Variants in MARCHF11 observed in about 807,000 individuals in gnomAD.
The protein encoded by MARCHF11 is membrane associated ring-CH-type finger 11, also known as E3 ubiquitin-protein ligase MARCHF11.
Under a neutral mutation model 37.3 loss-of-function variants are expected in MARCHF11, and 29 were observed. The ratio of observed to expected loss-of-function variants is 0.78; its 90% CI spans 0.58 to 1.06. MARCHF11 has a LOEUF of 1.06. MARCHF11 is among the 50% of genes least tolerant of loss of function. The pLI is 0.00. For missense variants in MARCHF11, 482 were observed against 533.4 expected (o/e 0.90, Z 0.95); for synonymous variants, 233 against 228.0 (o/e 1.02, Z -0.20).
chr5:16,132,160 C>T (rs1282531668), intron 2 of MARCHF11, among the ~76,000 whole-genome samples: 1 of 152,188 alleles, frequency 6.6e-6, no homozygotes, highest in Non-Finnish European at 1.5e-5. Flanking sequence ...AGGTTTACTG[C>T]CATGTTCAGA....
intron 2 of MARCHF11, among the ~76,000 whole-genome samples, chr5:16,098,681 T>C (rs986659531): frequency 4.6e-5 from 7 of 151,624 alleles, no homozygotes; most frequent in Admixed American, 2.0e-4. Flanking sequence ...GGCAGGAGAA[T>C]CGCTTGAACC....
chr5:16,129,174 A>T (rs940415472), intron 2 of MARCHF11: 1 of 152,200 alleles, frequency 6.6e-6, no homozygotes, highest in Admixed American at 6.5e-5. Flanking sequence ...TGCCATTTGC[A>T]TGAAACTGAC....
chr5:16,096,504 G>T (rs537341604), intron 2 of MARCHF11, among the ~76,000 whole-genome samples: 3 of 152,284 alleles, frequency 2.0e-5, no homozygotes, highest in African/African-American at 7.2e-5. Flanking sequence ...GCCCAGAATT[G>T]GGTATCTTTG....
chr5:16,081,468 A>G (rs1736606412), intron 3 of MARCHF11, among the ~76,000 whole-genome samples: 2 of 152,202 alleles, frequency 1.3e-5, no homozygotes, highest in African/African-American at 4.8e-5. Flanking sequence ...GTATTCAACC[A>G]TTTAAAAACG....
chr5:16,083,468 C>A (rs1736645872), intron 3 of MARCHF11, among the ~76,000 whole-genome samples: 1 of 152,140 alleles, frequency 6.6e-6, no homozygotes, highest in African/African-American at 2.4e-5. Flanking sequence ...ATCCAAAGGC[C>A]TTACCAACAA....
At chr5:16,139,823 A>G (rs989489276) in intron 2 of MARCHF11, among the ~76,000 whole-genome samples, 5 of 152,174 alleles carry the variant, frequency 3.3e-5, no homozygotes, top group African/African-American at 1.2e-4. Context: ...GAATAAAATT[A>G]CCAAGCCATT....
At chr5:16,120,584 G>A (rs1256108380) in intron 2 of MARCHF11, among the ~76,000 whole-genome samples, 1 of 152,184 alleles carries the variant, frequency 6.6e-6, no homozygotes, top group African/African-American at 2.4e-5. Flanking sequence ...ACCTTACAAG[G>A]CTCCACCACT....
At chr5:16,141,722 C>T (rs918008491) in intron 2 of MARCHF11, 1 of 152,192 alleles carries the variant, frequency 6.6e-6, no homozygotes, top group Non-Finnish European at 1.5e-5. Context: ...AATCTACTTT[C>T]CATTCACCTT....
chr5:16,117,617 G>A (rs1737243519), intron 2 of MARCHF11, among the ~76,000 whole-genome samples: 1 of 152,184 alleles, frequency 6.6e-6, no homozygotes, highest in African/African-American at 2.4e-5. Flanking sequence ...AGCTGGTTGT[G>A]GTGGCACACA....
At chr5:16,171,275 T>C (rs1738258814) in intron 2 of MARCHF11, among the ~76,000 whole-genome samples, 1 of 120,720 alleles carries the variant, frequency 8.3e-6, no homozygotes, top group African/African-American at 3.2e-5. Context: ...CCCATGGAGC[T>C]AAGTTGCCAC....
intron 2 of MARCHF11, among the ~76,000 whole-genome samples, chr5:16,109,021 C>G (rs1305058420): frequency 6.6e-6 from 1 of 151,900 alleles, no homozygotes; most frequent in African/African-American, 2.4e-5. Context: ...CTTTCAGATC[C>G]TGTTTCCTTA....
At chr5:16,115,262 A>G (rs949691383) in intron 2 of MARCHF11, among the ~76,000 whole-genome samples, 1 of 152,200 alleles carries the variant, frequency 6.6e-6, no homozygotes, top group Non-Finnish European at 1.5e-5. Context: ...TTAATTCGTC[A>G]ATTTCCTTCA....
intron 3 of MARCHF11, among the ~76,000 whole-genome samples, chr5:16,080,406 A>G (rs1306992605): frequency 6.6e-6 from 1 of 152,068 alleles, no homozygotes; most frequent in Non-Finnish European, 1.5e-5. Context: ...TCACCAAAGC[A>G]TTTCTCTGCA....
intron 2 of MARCHF11, chr5:16,141,591 A>G (rs1048521251): frequency 1.1e-4 from 16 of 152,262 alleles, no homozygotes; most frequent in African/African-American, 3.9e-4. Flanking sequence ...TTGGAAAGTC[A>G]TCAAATAAAA....
At chr5:16,108,156 T>C (rs1307202370) in intron 2 of MARCHF11, among the ~76,000 whole-genome samples, 1 of 152,202 alleles carries the variant, frequency 6.6e-6, no homozygotes, top group Non-Finnish European at 1.5e-5. Context: ...ACATGCTTCC[T>C]TGGGCTTTGG....
chr5:16,107,647 G>T (rs990627069), intron 2 of MARCHF11, among the ~76,000 whole-genome samples: 1 of 152,018 alleles, frequency 6.6e-6, no homozygotes, highest in Non-Finnish European at 1.5e-5. Context: ...GTGACAACAG[G>T]CATTCTTGTT....
intron 2 of MARCHF11, among the ~76,000 whole-genome samples, chr5:16,116,383 G>A (rs1241130530): frequency 1.3e-5 from 2 of 152,090 alleles, no homozygotes; most frequent in Non-Finnish European, 1.5e-5. Context: ...ATCTAACAAG[G>A]AGTTGAGATT....
chr5:16,115,021 C>T (rs761901688), intron 2 of MARCHF11, among the ~76,000 whole-genome samples: 7 of 151,800 alleles, frequency 4.6e-5, no homozygotes, highest in South Asian at 2.1e-4. Context: ...CAGGCTGCTA[C>T]GATTATTTCA....
chr5:16,142,359 G>A (rs2126592459), intron 2 of MARCHF11, among the ~76,000 whole-genome samples: 1 of 152,246 alleles, frequency 6.6e-6, no homozygotes, highest in African/African-American at 2.4e-5. Flanking sequence ...TGTAAAAATA[G>A]CAACGCTGGA....
Sources: allele counts gnomAD v4.1 joint callset (sites outside exome capture counted in the v4.1 genomes callset), GRCh38; gene constraint gnomAD v4.1.1; transcripts MANE v1.5; gene names NCBI Gene and HGNC (gene_info 2026-07-23, HGNC 2026-07-21).